Variants in DOCK6 observed in about 807,000 individuals in gnomAD.
DOCK6 encodes the protein dedicator of cytokinesis protein 6.
Under a neutral mutation model 230.3 loss-of-function variants are expected in DOCK6, and 167 were observed. The ratio of observed to expected loss-of-function variants is 0.73; its 90% confidence interval spans 0.64 to 0.82. The LOEUF is 0.82. Among genes scored for constraint, DOCK6 ranks in the 40% least tolerant of loss-of-function variants. DOCK6 has a pLI of 0.00. For synonymous variants in DOCK6, 1,148 were observed against 1,185.0 expected, an observed-to-expected ratio of 0.97 and a Z score of 0.64; for missense variants, 2,598 against 2,825.8, an observed-to-expected ratio of 0.92 and a Z score of 1.83.
At position 11,229,571 on chromosome 19, in the gene DOCK6, CAAGA is replaced by C. The variant is rs377159025; in HGVS notation, c.2719-540_2719-537del. Among the ~76,000 whole-genome samples the C allele has an allele frequency of 1.6e-3, 244 of 152,006 alleles. 1 individual carries two copies. Among genetic ancestry groups the C allele is most frequent in the Middle Eastern group, 0.01 (3 of 292 alleles). On this transcript the variant is annotated intron_variant, in intron 22 of 47. Transcript: ENST00000294618. ...GGCCATGGATGCCAATGGGGACAGG[CAAGA>C]AAGAGAGATGGGCCGGCGTGGGTTG...
Position 11,222,997 on chromosome 19 carries a change from T to C in DOCK6, c.3065A>G (p.Lys1022Arg). ...FVFSLVRAHY[K>R]QVATRLQSSP... is the part of the protein sequence containing the mutation. ...CCTGCCCACGCCCACTCCTACCTGC[T>C]TGTAGTGGGCCCGGACCAGGCTGAA... Residue 1022 changes from lysine to arginine, a missense_variant, in exon 25 of 48, where the codon AAG becomes AGG. Physicochemically the swap from Lys to Arg is conservative, Grantham distance 26. Coordinates refer to ENST00000294618, the MANE Select transcript of DOCK6 (RefSeq NM_020812.4). The surrounding 1 kb of genome is among the most constrained non-coding windows in gnomAD (Gnocchi z 4.0). The C allele has an allele frequency of 6.2e-7, 1 of 1,613,780 alleles. No homozygotes were observed. Among genetic ancestry groups the C allele is most frequent in the Non-Finnish European group, 8.5e-7 (1 of 1,179,832 alleles).
chr19:11,200,178 CA>C lies in DOCK6; in HGVS notation c.6101+129del. The stretch of plus-strand genomic sequence containing the variant: ...AAAAAAACAAAAAAAAAACCGGAAA[CA>C]AAACAAAGTCCAAGCTACCAGCAAA... On this transcript the variant is annotated intron_variant, in intron 47 of 47. Coordinates refer to ENST00000294618, the MANE Select transcript of DOCK6 (RefSeq NM_020812.4). This position sits in a 1 kb window ranked among gnomAD's most constrained non-coding sequence, Gnocchi z 4.3. 3 of 935,950 alleles carry C rather than the reference CA, an allele frequency of 3.2e-6. No individual in the cohort carries two copies. The highest frequency in any genetic ancestry group is 4.5e-5 in the South Asian group (2 of 44,182). 58.0% of individuals were successfully genotyped at this position (935,950 alleles called of 1,614,324 possible). A position where few individuals can be genotyped will look rare whatever the true frequency, so the allele number is the denominator to read the frequency against.
chr19:11,226,029 CAA>C lies in DOCK6; in HGVS notation c.2955+1306_2955+1307del, dbSNP rs1167847409. ...CTGCGCTCCAGCCTGGGCAACACAGCAAGACCCTATCTCCAAACAAAAACAAA... is the reference window on the plus strand; with the variant it reads ...CTGCGCTCCAGCCTGGGCAACACAGCGACCCTATCTCCAAACAAAAACAAA... On this transcript the variant is annotated intron_variant, in intron 24 of 47. Transcript: ENST00000294618. 2.0e-5 allele frequency among the ~76,000 whole-genome samples: 3 copies of C among 152,048 alleles called. No homozygotes were observed. In the East Asian group the frequency reaches 5.8e-4, roughly 30 times the overall value.
In DOCK6 at chr19:11,237,492, G is replaced by A. The variant is rs1246240001; in HGVS notation, c.2037C>T (p.Asp679=). 6.2e-7 allele frequency: 1 copy of A among 1,613,540 alleles called. No homozygotes were observed. The highest frequency in any genetic ancestry group is 8.5e-7 in the Non-Finnish European group (1 of 1,179,800). ...GCACGGAATAGCTGGGCGGCGGCTGGTCCACAGACACTGGGAGACAGAAGG... is the reference window on the plus strand; with the variant it reads ...GCACGGAATAGCTGGGCGGCGGCTGATCCACAGACACTGGGAGACAGAAGG... ...TGPFCLPVSV[D]QPPPSYSVLT... is the part of the protein sequence containing the mutation. Residue 679 remains aspartate (D), a synonymous_variant, in exon 18 of 48, where the codon GAC becomes GAT. Coordinates refer to ENST00000294618, the MANE Select transcript of DOCK6 (RefSeq NM_020812.4).
At position 11,200,929 on chromosome 19, in the gene DOCK6, C is replaced by T. The variant is rs369609034; in HGVS notation, c.5812G>A (p.Val1938Ile). The T allele has an allele frequency of 1.1e-5, 17 of 1,613,842 alleles. No homozygotes were observed. Among genetic ancestry groups the T allele is most frequent in the Admixed American group, 5.0e-5 (3 of 60,004 alleles). The change falls in exon 45 of 48, where the codon GTA becomes ATA. Residue 1938 changes from valine to isoleucine, a missense_variant. Coordinates refer to ENST00000294618, the MANE Select transcript of DOCK6 (RefSeq NM_020812.4). This position sits in a 1 kb window ranked among gnomAD's most constrained non-coding sequence, Gnocchi z 4.3. ...KMLQMVLQGS[V>I]GPTVNQGPLE... ...CGTGCCTGGTTCACGGTGGGCCCTA[C>T]AGAGCCCTGAAGCACCATCTGTAGC...
At chr19:11,228,496 G>GT (rs974815038) in intron 23 of DOCK6, among the ~76,000 whole-genome samples, 124 of 151,074 alleles carry the variant, frequency 8.2e-4, no homozygotes, top group African/African-American at 2.6e-3. Flanking sequence ...TCCCTAGGTT[G>GT]TGGGGGGGGG....
intron 22 of DOCK6, chr19:11,229,288 C>T: frequency 1.1e-5 from 14 of 1,279,698 alleles, no homozygotes; most frequent in Non-Finnish European, 1.4e-5. Flanking sequence ...TCCGCACCTC[C>T]CCCCACTACC....
Position 11,202,504 on chromosome 19 carries a change from C to T in DOCK6, c.5362-21G>A, listed in dbSNP as rs745583104. 6.4e-5 allele frequency: 103 copies of T among 1,612,416 alleles called. No individual in the cohort carries two copies. The Middle Eastern group carries it at 1.6e-3, about 26-fold the overall frequency. ...AACTCCTGGAGACACAGGGCTGACT[C>T]GGGGCCACCCAGGGACAGCCCCTAC... On this transcript the variant is annotated intron_variant, in intron 42 of 47. Transcript: ENST00000294618. This position sits in a 1 kb window ranked among gnomAD's most constrained non-coding sequence, Gnocchi z 5.3.
rs1417517452 is a variant in DOCK6 at position 11,202,295 on chromosome 19, T to C, written c.5451+99A>G. 4.1e-6 allele frequency: 6 copies of C among 1,461,960 alleles called. No individual in the cohort carries two copies. In the African/African-American group the frequency reaches 8.5e-5, roughly 21 times the overall value. 90.6% of individuals were successfully genotyped at this position (1,461,960 alleles called of 1,614,324 possible). ...TTGGGGTCCCTCAGTGAAATATGAT[T>C]TGGGGTTTCCCAGAGAAAGAGGATT... On this transcript the variant is annotated intron_variant, in intron 43 of 47. Coordinates refer to ENST00000294618, the MANE Select transcript of DOCK6 (RefSeq NM_020812.4). The surrounding 1 kb of genome is among the most constrained non-coding windows in gnomAD (Gnocchi z 5.3).
chr19:11,204,119 G>A (rs2079216686), intron 40 of DOCK6, 24 bp from the exon 41 acceptor site: 5 of 1,549,514 alleles, frequency 3.2e-6, no homozygotes, highest in Non-Finnish European at 4.4e-6. Flanking sequence ...AAGGGTCAAG[G>A]TCAGCAGATC....
Position 11,252,902 on chromosome 19 carries a change from C to A in DOCK6, c.189G>T (p.Arg63=), listed in dbSNP as rs537479473. 5.0e-6 allele frequency: 8 copies of A among 1,613,138 alleles called. No individual in the cohort carries two copies. Among genetic ancestry groups the A allele is most frequent in the Non-Finnish European group, 6.8e-6 (8 of 1,179,628 alleles). ...PLDFEDVLLS[R]PPDAEPGPLR... ...GGGGCCCGGGCTCAGCATCTGGTGGCCGGCTCAGAAGTACATCCTCAAAGT... is the reference window on the plus strand; with the variant it reads ...GGGGCCCGGGCTCAGCATCTGGTGGACGGCTCAGAAGTACATCCTCAAAGT... The change falls in exon 3 of 48, where the codon CGG becomes CGT. Residue 63 remains arginine (R), a synonymous_variant. Transcript: ENST00000294618.
chr19:11,215,810 GC>G lies in DOCK6; in HGVS notation c.4011del (p.Arg1338GlufsTer53). 6.2e-7 allele frequency: 1 copy of G among 1,613,944 alleles called. No individual in the cohort carries two copies. The highest frequency in any genetic ancestry group is 8.5e-7 in the Non-Finnish European group (1 of 1,179,870). ...TATGTCACCCTCTTACCACGACTTC[GC>G]CGAACCATTTCTTGTCGAGCTCCGA... ...GTIGARQEMV[R>X]RSRERSPFGN... is the part of the protein sequence containing the mutation. On this transcript the variant is annotated frameshift_variant, in exon 31 of 48. Transcript: ENST00000294618. LOFTEE classifies it high-confidence loss of function.
chr19:11,208,244 A>G (rs1255438785), intron 39 of DOCK6: 4 of 157,324 alleles, frequency 2.5e-5, no homozygotes, highest in Non-Finnish European at 4.2e-5. Flanking sequence ...ACATAGGCAA[A>G]TAACAGGGCC....
chr19:11,215,578 G>T (rs2079471506), intron 31 of DOCK6, 107 bp from the exon 32 acceptor site: 1 of 1,323,752 alleles, frequency 7.6e-7, no homozygotes, highest in South Asian at 1.3e-5. Context: ...TGACCCATGA[G>T]GGCACTGGGT....
Position 11,248,168 on chromosome 19 carries a change from G to A in DOCK6, c.721-17C>T, listed in dbSNP as rs764646067. On this transcript the variant is annotated splice_polypyrimidine_tract_variant and intron_variant, in intron 6 of 47. Coordinates refer to ENST00000294618, the MANE Select transcript of DOCK6 (RefSeq NM_020812.4). ...GGCTTCATCCTGCCAAGAGTGGGGG[G>A]TGGGAGCTGGGCGGGAGGAGCTGGG... The A allele has an allele frequency of 2.6e-6, 4 of 1,529,002 alleles. No individual in the cohort carries two copies. The highest frequency in any genetic ancestry group is 1.3e-5 in the African/African-American group (1 of 74,216). 94.7% of individuals were successfully genotyped at this position (1,529,002 alleles called of 1,614,324 possible). A position where few individuals can be genotyped will look rare whatever the true frequency, so the allele number is the denominator to read the frequency against.
At chr19:11,215,507 A>T in intron 31 of DOCK6, 36 bp from the exon 32 acceptor site, 1 of 1,578,130 alleles carries the variant, frequency 6.3e-7, no homozygotes, top group Non-Finnish European at 8.7e-7. Context: ...AGATGCGTAA[A>T]AACACAGGGC....
intron 39 of DOCK6, among the ~76,000 whole-genome samples, chr19:11,205,433 C>T (rs1191510714): frequency 6.6e-6 from 1 of 151,960 alleles, no homozygotes; most frequent in Admixed American, 6.6e-5. Context: ...ACCTCTGCCT[C>T]CTGGGTTCAA....
chr19:11,262,334 AC>A, intron 1 of DOCK6, 62 bp downstream of exon 1: 1 of 1,000,308 alleles, frequency 1.0e-6, no homozygotes, highest in Non-Finnish European at 1.2e-6. Flanking sequence ...GGAGGGTCGC[AC>A]CGCCCCGGGG....
At chr19:11,223,606 T>C (rs150204434) in intron 24 of DOCK6, among the ~76,000 whole-genome samples, 9 of 152,314 alleles carry the variant, frequency 5.9e-5, no homozygotes, top group African/African-American at 1.9e-4. Flanking sequence ...CTGCCCTAAC[T>C]GATCGACTCT....
Sources: gnomAD v4.1 joint callset for allele counts (sites outside exome capture counted in the v4.1 genomes callset) on GRCh38, gnomAD v4.1.1 for gene constraint, Gnocchi (gnomAD v3.1) non-coding constraint, MANE v1.5 for transcripts, NCBI Gene and HGNC (gene_info 2026-07-23, HGNC 2026-07-21) for gene names.